ZMYND12: variants seen among roughly 807,000 people sequenced by gnomAD.
ZMYND12 encodes the protein zinc finger MYND domain-containing protein 12.
ZMYND12 carries 32 observed loss-of-function variants against 41.7 expected under a neutral mutation model. The ratio of observed to expected loss-of-function variants is 0.77; its 90% CI spans 0.58 to 1.03. ZMYND12 has a LOEUF of 1.03. Ranked by LOEUF, ZMYND12 falls within the 50% of genes least tolerant of loss-of-function variation. The pLI is 0.00. For missense variants in ZMYND12, 424 were observed against 438.5 expected (o/e 0.97, Z 0.30); for synonymous variants, 148 against 164.8 (o/e 0.90, Z 0.78).
In ZMYND12 at chr1:42,432,967, C is replaced by A. The variant is rs528740776; in HGVS notation, c.975+176G>T. The A allele has an allele frequency of 5.9e-5, 41 of 699,374 alleles. 1 individual carries two copies. The South Asian group carries it at 8.0e-4, about 14-fold the overall frequency. The allele number at this position is 699,374 out of a possible 1,614,324, so 43.3% of individuals were successfully genotyped here. ...CGGGGGAAGAAGACAATCCAATTTCCATTATGCAGGCTAGACTCAACACAG... is the reference window on the plus strand; with the variant it reads ...CGGGGGAAGAAGACAATCCAATTTCAATTATGCAGGCTAGACTCAACACAG... On this transcript the variant is annotated intron_variant, in intron 7 of 7. Transcript: ENST00000372565.
rs781642020 is a variant in ZMYND12 at position 42,450,059 on chromosome 1, A to G, written c.111T>C (p.Cys37=). ...AGTCAGCCTTCTGATGTACCACCCC[A>G]CTGACAACGGAAACATAGACTTTAT... ...VCAACTVTYY[C]GVVHQKADWD... is the part of the protein sequence containing the mutation. Residue 37 remains cysteine, a splice_region_variant and synonymous_variant, in exon 2 of 8, where the codon TGT becomes TGC. Coordinates refer to ENST00000372565, the MANE Select transcript of ZMYND12 (RefSeq NM_032257.5). The G allele has an allele frequency of 6.2e-7, 1 of 1,613,476 alleles. No individual in the cohort carries two copies.
Position 42,430,822 on chromosome 1 carries a change from T to C in ZMYND12, c.1012A>G (p.Lys338Glu). The part of the protein sequence containing the change: ...EYGMRALSLA[K>E]EQQLDVHEQS... ...TCATGGACATCAAGCTGTTGTTCTT[T>C]GGCTAGACTGAGGGCCCTCATGCCA... Residue 338 changes from lysine (K) to glutamate (E), a missense_variant, in exon 8 of 8, where the codon AAA becomes GAA. Transcript: ENST00000372565. The C allele has an allele frequency of 6.2e-7, 1 of 1,614,236 alleles. No individual in the cohort carries two copies. The highest frequency in any genetic ancestry group is 8.5e-7 in the Non-Finnish European group (1 of 1,180,038).
chr1:42,430,894 A>G lies in ZMYND12; in HGVS notation c.976-36T>C, dbSNP rs192756053. On this transcript the variant is annotated intron_variant, in intron 7 of 7. Coordinates refer to ENST00000372565, the MANE Select transcript of ZMYND12 (RefSeq NM_032257.5). ...ATTGCAGTGACAAAAGGAAGTTGTC[A>G]CAGGAAAGCATAACACTGGGAAGCC... The G allele has an allele frequency of 1.6e-5, 25 of 1,612,262 alleles. No individual in the cohort carries two copies. In the African/African-American group the frequency reaches 2.8e-4, roughly 18 times the overall value.
intron 1 of ZMYND12, among the ~76,000 whole-genome samples, chr1:42,452,841 A>C (rs1643097096): frequency 6.6e-6 from 1 of 152,224 alleles, no homozygotes; most frequent in Admixed American, 6.5e-5. Flanking sequence ...ATGTATTCAG[A>C]GAAAAGAAGG....
chr1:42,437,085 C>T (rs1160453503), intron 4 of ZMYND12, among the ~76,000 whole-genome samples: 2 of 152,118 alleles, frequency 1.3e-5, no homozygotes, highest in Non-Finnish European at 2.9e-5. Context: ...GTAGTATATC[C>T]AGGCAATGGA....
intron 6 of ZMYND12, among the ~76,000 whole-genome samples, chr1:42,434,707 C>T (rs1431678052): frequency 6.6e-6 from 1 of 151,874 alleles, no homozygotes; most frequent in African/African-American, 2.4e-5. Flanking sequence ...CTGTCACTGT[C>T]ACCCATCACT....
Position 42,455,358 on chromosome 1 carries a change from C to T in ZMYND12, c.110+530G>A, listed in dbSNP as rs141598159. Among the ~76,000 whole-genome samples, 389 of 152,318 alleles carry T rather than the reference C, an allele frequency of 2.6e-3. 2 individuals carry two copies. Among genetic ancestry groups the T allele is most frequent in the Non-Finnish European group, 3.3e-3 (225 of 68,024 alleles). The stretch of plus-strand genomic sequence containing the variant: ...CGCGATCTCCGCTCACTGCGAGCTC[C>T]GCCTCCCGGGTTCAAGCGATTCTTC... On this transcript the variant is annotated intron_variant, in intron 1 of 7. Coordinates refer to ENST00000372565, the MANE Select transcript of ZMYND12 (RefSeq NM_032257.5).
chr1:42,430,884 G>A lies in ZMYND12; in HGVS notation c.976-26C>T, dbSNP rs369606317. 3 of 1,612,682 alleles carry A rather than the reference G, an allele frequency of 1.9e-6. No homozygotes were observed. The African/African-American group carries it at 4.0e-5, about 22-fold the overall frequency. On this transcript the variant is annotated intron_variant, in intron 7 of 7. Coordinates refer to ENST00000372565, the MANE Select transcript of ZMYND12 (RefSeq NM_032257.5). ...CTGAAATAGAATTGCAGTGACAAAA[G>A]GAAGTTGTCACAGGAAAGCATAACA...
intron 1 of ZMYND12, among the ~76,000 whole-genome samples, chr1:42,455,173 T>C (rs1643143116): frequency 6.6e-6 from 1 of 152,224 alleles, no homozygotes; most frequent in Admixed American, 6.5e-5. Context: ...CAGTCCCGGA[T>C]GCCGGGAATG....
chr1:42,445,121 C>A (rs1450075422), intron 3 of ZMYND12, among the ~76,000 whole-genome samples: 2 of 149,252 alleles, frequency 1.3e-5, no homozygotes, highest in Non-Finnish European at 3.0e-5. Context: ...AAGGGTAGTT[C>A]TTTAAACAAG....
At chr1:42,439,358 C>T (rs4660224) in intron 4 of ZMYND12, among the ~76,000 whole-genome samples, 17,450 of 152,004 alleles carry the variant, frequency 0.11, 1,218 homozygotes, top group East Asian at 0.22. Flanking sequence ...CTCCACCTCC[C>T]GGGTTCAGGT....
chr1:42,439,845 A>G lies in ZMYND12; in HGVS notation c.594+11T>C, dbSNP rs770417032. The G allele has an allele frequency of 3.1e-6, 5 of 1,600,066 alleles. No individual in the cohort carries two copies. In the South Asian group the frequency reaches 5.7e-5, roughly 18 times the overall value. ...TGGAAATATACAGGTGTTATAACTT[A>G]GCTTGTTTACATCATTGGCCAGATG... On this transcript the variant is annotated intron_variant, in intron 4 of 7. Coordinates refer to ENST00000372565, the MANE Select transcript of ZMYND12 (RefSeq NM_032257.5).
At chr1:42,434,835 CAT>C (rs936568624) in intron 6 of ZMYND12, among the ~76,000 whole-genome samples, 13 of 151,906 alleles carry the variant, frequency 8.6e-5, no homozygotes, top group African/African-American at 3.1e-4. Context: ...ATAATAAAAA[CAT>C]AGTACACAAT....
At chr1:42,453,738 T>C (rs1403689734) in intron 1 of ZMYND12, among the ~76,000 whole-genome samples, 7 of 152,246 alleles carry the variant, frequency 4.6e-5, no homozygotes, top group Non-Finnish European at 8.8e-5. Flanking sequence ...GGCGGTTTAC[T>C]GGCCATCTCT....
chr1:42,454,828 C>T (rs1032587785), intron 1 of ZMYND12, among the ~76,000 whole-genome samples: 1 of 151,760 alleles, frequency 6.6e-6, no homozygotes, highest in Non-Finnish European at 1.5e-5. Context: ...TTCAGCCTCC[C>T]GAGTAGCTAG....
intron 1 of ZMYND12, among the ~76,000 whole-genome samples, chr1:42,450,325 A>G (rs538800426): frequency 1.3e-5 from 2 of 152,328 alleles, no homozygotes; most frequent in East Asian, 1.9e-4. Flanking sequence ...CTGGCATGCA[A>G]TTGCTCATAG....
chr1:42,439,052 A>G (rs1642936835), intron 4 of ZMYND12, among the ~76,000 whole-genome samples: 1 of 152,190 alleles, frequency 6.6e-6, no homozygotes, highest in Admixed American at 6.5e-5. Context: ...TTTAATAACC[A>G]ACACTCTGAA....
chr1:42,432,942 C>G (rs899930550), intron 7 of ZMYND12: 1 of 593,072 alleles, frequency 1.7e-6, no homozygotes, highest in Admixed American at 3.6e-5. Flanking sequence ...TGGGAACCCT[C>G]GGGGGAAGAA....
In ZMYND12 at chr1:42,449,996, A is replaced by C; in HGVS notation, c.174T>G (p.Ile58Met). The change falls in exon 2 of 8, where the codon ATT (isoleucine) becomes ATG (methionine). Residue 58 changes from isoleucine (I) to methionine (M), a missense_variant. Physicochemically the swap from Ile to Met is conservative, Grantham distance 10. Transcript: ENST00000372565. ...SIHEKICQLL[I>M]PLRTSMPFYN... The stretch of plus-strand genomic sequence containing the variant: ...AGAAGGGCATGGAAGTGCGCAGTGG[A>C]ATCAAGAGCTGACATATTTTCTCAT... The C allele has an allele frequency of 1.2e-6, 2 of 1,614,026 alleles. 1 individual carries two copies. The highest frequency in any genetic ancestry group is 1.7e-6 in the Non-Finnish European group (2 of 1,180,040).
Sources: allele counts gnomAD v4.1 joint callset (sites outside exome capture counted in the v4.1 genomes callset), GRCh38; gene constraint gnomAD v4.1.1; transcripts MANE v1.5; gene names NCBI Gene and HGNC (gene_info 2026-07-23, HGNC 2026-07-21).